LIFR: variants seen among roughly 807,000 people sequenced by gnomAD.
LIFR encodes the protein LIF receptor subunit alpha.
In LIFR, 84 loss-of-function variants were observed where a neutral mutation model predicts 122.2. The ratio of observed to expected loss-of-function variants is 0.69; its 90% CI spans 0.58 to 0.82. The LOEUF (loss-of-function observed/expected upper bound fraction) is 0.82. Ranked by LOEUF, LIFR falls within the 40% of genes least tolerant of loss-of-function variation. The pLI, the probability that LIFR is intolerant of heterozygous loss-of-function variation, is 0.00. For synonymous variants in LIFR, 422 were observed against 434.7 expected (o/e 0.97, Z 0.36); for missense variants, 1,294 against 1,311.6 (o/e 0.99, Z 0.21).
At chr5:38,590,020 T>C (rs1024698910) in intron 1 of LIFR, among the ~76,000 whole-genome samples, 4 of 152,180 alleles carry the variant, frequency 2.6e-5, no homozygotes, top group African/African-American at 9.6e-5. Context: ...ACCAAACCAA[T>C]GGTTTTTCTA....
In LIFR at chr5:38,527,157, A is replaced by C; in HGVS notation, c.395T>G (p.Val132Gly). The change falls in exon 4 of 20, where the codon GTT (valine) becomes GGT (glycine). Residue 132 changes from valine to glycine, a missense_variant and splice_region_variant. By Grantham distance (109) the Val-to-Gly change is moderately radical (BLOSUM62 -3). Coordinates refer to ENST00000453190, the MANE Select transcript of LIFR (RefSeq NM_001127671.2). The stretch of plus-strand genomic sequence containing the variant: ...TGAGTTTGTTTTCAAATACTTACAA[A>C]CGTTTTGTTCATTTAGTGTGAATTT... ...TSKFTLNEQN[V>G]SLIPDTPEIL... The C allele has an allele frequency of 6.3e-7, 1 of 1,591,634 alleles. No individual in the cohort carries two copies. The highest frequency in any genetic ancestry group is 8.6e-7 in the Non-Finnish European group (1 of 1,162,340).
In LIFR at chr5:38,528,846, GGAGA is replaced by G; in HGVS notation, c.143-10_143-7del. On this transcript the variant is annotated splice_region_variant and splice_polypyrimidine_tract_variant and intron_variant, in intron 2 of 19. Coordinates refer to ENST00000453190, the MANE Select transcript of LIFR (RefSeq NM_001127671.2). ...CTTCAAATCATGAGGAGCCCCTGGA[GGAGA>G]CACACACACACACACACACACACAC... The G allele has an allele frequency of 7.7e-7, 1 of 1,306,308 alleles. No homozygotes were observed. Among genetic ancestry groups the G allele is most frequent in the Non-Finnish European group, 1.1e-6 (1 of 944,000 alleles). 80.9% of individuals were successfully genotyped at this position (1,306,308 alleles called of 1,614,324 possible). A position where few individuals can be genotyped will look rare whatever the true frequency, so the allele number is the denominator to read the frequency against.
At position 38,479,456 on chromosome 5, in the gene LIFR, G is replaced by A. The variant is rs1308516792; in HGVS notation, c.*2139C>T. ...TCATCATTAACCAAACAAATGAGTC[G>A]TTATATAGGTTAGAAAGGGCCCTGG... On this transcript the variant is annotated 3_prime_UTR_variant, in exon 20 of 20. Transcript: ENST00000453190. The A allele has an allele frequency of 1.3e-5, 3 of 230,448 alleles. No individual in the cohort carries two copies. The highest frequency in any genetic ancestry group is 5.7e-5 in the Admixed American group (1 of 17,662). The allele number at this position is 230,448 out of a possible 1,614,324, so 14.3% of individuals were successfully genotyped here.
intron 2 of LIFR, among the ~76,000 whole-genome samples, chr5:38,603,950 C>T (rs549283854): frequency 9.2e-5 from 14 of 152,146 alleles, no homozygotes; most frequent in Non-Finnish European, 1.8e-4. Flanking sequence ...CTGGTTATGT[C>T]CTAATGATCT....
intron 1 of LIFR, among the ~76,000 whole-genome samples, chr5:38,532,480 T>C (rs1175385664): frequency 6.6e-6 from 1 of 152,114 alleles, no homozygotes; most frequent in African/African-American, 2.4e-5. Context: ...ACGCAGACAG[T>C]AGCGAGCTCG....
At chr5:38,572,671 C>G (rs1462674592) in intron 1 of LIFR, among the ~76,000 whole-genome samples, 1 of 152,196 alleles carries the variant, frequency 6.6e-6, no homozygotes, top group Admixed American at 6.5e-5. Context: ...TTCAGGCAGT[C>G]ATTTCCAATC....
chr5:38,541,485 C>G (rs573244842), intron 1 of LIFR, among the ~76,000 whole-genome samples: 1 of 152,288 alleles, frequency 6.6e-6, no homozygotes, highest in Admixed American at 6.5e-5. Flanking sequence ...TTTTCTAATA[C>G]ATGAAAGATG....
chr5:38,562,172 A>G (rs1748863867), intron 1 of LIFR, among the ~76,000 whole-genome samples: 1 of 152,134 alleles, frequency 6.6e-6, no homozygotes, highest in South Asian at 2.1e-4. Context: ...GTTGGTCCCA[A>G]TTAACTTCCA....
chr5:38,568,815 A>G (rs896379943), intron 1 of LIFR, among the ~76,000 whole-genome samples: 2 of 152,160 alleles, frequency 1.3e-5, no homozygotes, highest in African/African-American at 4.8e-5. Flanking sequence ...TTAGTGTGGG[A>G]GAGGTTTATT....
intron 13 of LIFR, among the ~76,000 whole-genome samples, chr5:38,495,977 G>GTT (rs545628979): frequency 4.2e-5 from 6 of 143,960 alleles, no homozygotes; most frequent in Non-Finnish European, 6.1e-5. Context: ...TAAAATAAGC[G>GTT]TTTTTTTTTT....
chr5:38,568,134 A>G (rs1393305927), intron 1 of LIFR, among the ~76,000 whole-genome samples: 2 of 152,250 alleles, frequency 1.3e-5, no homozygotes, highest in African/African-American at 2.4e-5. Flanking sequence ...TCTTGCCTTC[A>G]TGGAGCTCTC....
intron 1 of LIFR, among the ~76,000 whole-genome samples, chr5:38,544,822 C>A (rs1747786316): frequency 6.6e-6 from 1 of 152,086 alleles, no homozygotes. Flanking sequence ...GTTCAGCACT[C>A]CTCTTCAGCG....
intron 1 of LIFR, among the ~76,000 whole-genome samples, chr5:38,574,425 A>G (rs1435736040): frequency 2.6e-5 from 4 of 152,216 alleles, no homozygotes; most frequent in Non-Finnish European, 4.4e-5. Flanking sequence ...TTACATGGCC[A>G]TTGTTTACCA....
intron 4 of LIFR, among the ~76,000 whole-genome samples, chr5:38,526,312 C>T (rs572259145): frequency 6.6e-6 from 1 of 152,160 alleles, no homozygotes; most frequent in East Asian, 1.9e-4. Flanking sequence ...GACCCACATT[C>T]TGCTTCAGAA....
chr5:38,509,198 ATACTTTTAAG>A (rs1451200621), intron 7 of LIFR, among the ~76,000 whole-genome samples: 2 of 152,232 alleles, frequency 1.3e-5, no homozygotes, highest in African/African-American at 4.8e-5. Context: ...TTCTTCTTTC[ATACTTTTAAG>A]TAATAGCTCA....
At chr5:38,586,030 A>C (rs1749736230) in intron 1 of LIFR, among the ~76,000 whole-genome samples, 1 of 152,096 alleles carries the variant, frequency 6.6e-6, no homozygotes, top group African/African-American at 2.4e-5. Context: ...TTGGTTACTT[A>C]TCCGGTATCC....
At chr5:38,485,696 A>T in intron 17 of LIFR, 123 bp downstream of exon 17, 1 of 1,115,610 alleles carries the variant, frequency 9.0e-7, no homozygotes. Flanking sequence ...TACCAGCCAA[A>T]AACTGCAACA....
chr5:38,598,222 T>C (rs1364131973), upstream of LIFR, among the ~76,000 whole-genome samples: 1 of 65,472 alleles, frequency 1.5e-5, no homozygotes, highest in Non-Finnish European at 2.8e-5. Flanking sequence ...TTTTTTTTTT[T>C]TTTTTTTTTT....
chr5:38,553,049 G>A (rs1310020919), intron 1 of LIFR, among the ~76,000 whole-genome samples: 1 of 152,042 alleles, frequency 6.6e-6, no homozygotes, highest in Non-Finnish European at 1.5e-5. Flanking sequence ...ACACATATGG[G>A]CACCAACCCC....
Sources: gnomAD v4.1 joint callset for allele counts (sites outside exome capture counted in the v4.1 genomes callset) on GRCh38, gnomAD v4.1.1 for gene constraint, MANE v1.5 for transcripts, NCBI Gene and HGNC (gene_info 2026-07-23, HGNC 2026-07-21) for gene names.